Variants in C10orf143 observed in about 807,000 individuals in gnomAD.
The protein encoded by C10orf143 is uncharacterized protein C10orf143.
intron 3 of C10orf143, among the ~76,000 whole-genome samples, chr10:130,038,070 TGG>T (rs1860565103): frequency 6.6e-6 from 1 of 152,200 alleles, no homozygotes; most frequent in Non-Finnish European, 1.5e-5. Context: ...TTTATTTGCC[TGG>T]CCAGAAACTT....
At chr10:130,101,565 G>A (rs901909694) in intron 1 of C10orf143, among the ~76,000 whole-genome samples, 13 of 151,890 alleles carry the variant, frequency 8.6e-5, no homozygotes, top group Non-Finnish European at 1.5e-4. Flanking sequence ...TCAAAATAAG[G>A]ATAAAATTAA....
At chr10:130,078,158 A>T (rs1861150020) in intron 3 of C10orf143, among the ~76,000 whole-genome samples, 1 of 152,246 alleles carries the variant, frequency 6.6e-6, no homozygotes, top group African/African-American at 2.4e-5. Flanking sequence ...ACTGTTGTTC[A>T]AACAGAATAT....
chr10:130,081,397 C>G (rs1861205996), intron 1 of C10orf143, among the ~76,000 whole-genome samples: 1 of 152,144 alleles, frequency 6.6e-6, no homozygotes, highest in Admixed American at 6.5e-5. Context: ...ATACACCATT[C>G]TCAGTACAAG....
intron 1 of C10orf143, among the ~76,000 whole-genome samples, chr10:130,097,302 C>A (rs546265270): frequency 2.6e-5 from 4 of 152,152 alleles, no homozygotes; most frequent in African/African-American, 9.6e-5. Context: ...CCTGTAATCC[C>A]AGCATTTTGG....
chr10:130,094,115 C>A (rs1249047748), intron 1 of C10orf143, among the ~76,000 whole-genome samples: 4 of 151,742 alleles, frequency 2.6e-5, no homozygotes, highest in Non-Finnish European at 5.9e-5. Context: ...CAAATAAACT[C>A]AAAAATCTAG....
chr10:130,108,035 A>G lies in C10orf143; in HGVS notation c.69+2669T>C, dbSNP rs542296762. The G allele has an allele frequency of 3.8e-5, 56 of 1,486,592 alleles. 1 individual carries two copies. The South Asian group carries it at 5.9e-4, about 16-fold the overall frequency. The allele number at this position is 1,486,592 out of a possible 1,614,324, so 92.1% of individuals were successfully genotyped here. A position where few individuals can be genotyped will look rare whatever the true frequency, so the allele number is the denominator to read the frequency against. On this transcript the variant is annotated intron_variant, in intron 1 of 3. Transcript: ENST00000637128. ...AGAAATGGAATCCAGTAGAAATGAC[A>G]CCAAAGATGATCTTGGTAATTTAAA...
chr10:130,041,055 C>A (rs1032072046), intron 3 of C10orf143, among the ~76,000 whole-genome samples: 1 of 152,280 alleles, frequency 6.6e-6, no homozygotes, highest in Non-Finnish European at 1.5e-5. Context: ...GGAGGGGCTG[C>A]GCCATCCTAA....
chr10:130,038,102 C>T (rs2042239234), intron 3 of C10orf143, among the ~76,000 whole-genome samples: 1 of 152,164 alleles, frequency 6.6e-6, no homozygotes, highest in Non-Finnish European at 1.5e-5. Flanking sequence ...ACAATTGCTT[C>T]CTACCCAAGA....
At chr10:130,107,717 A>G (rs1861680324) in intron 1 of C10orf143, 4 of 1,248,326 alleles carry the variant, frequency 3.2e-6, no homozygotes, top group East Asian at 4.7e-5. Context: ...AAGAGGCTCA[A>G]GAGGCCCAGG....
chr10:130,086,160 T>C (rs1266257053), intron 1 of C10orf143, among the ~76,000 whole-genome samples: 2 of 152,220 alleles, frequency 1.3e-5, no homozygotes, highest in African/African-American at 2.4e-5. Context: ...CCACTGTGTT[T>C]GCACAGGAGA....
At chr10:130,042,555 G>A (rs554498222) in intron 3 of C10orf143, among the ~76,000 whole-genome samples, 1 of 152,202 alleles carries the variant, frequency 6.6e-6, no homozygotes, top group African/African-American at 2.4e-5. Context: ...TCAGCCCCTC[G>A]GATGGGAGAC....
intron 3 of C10orf143, among the ~76,000 whole-genome samples, chr10:130,037,042 A>G (rs1860552661): frequency 6.6e-6 from 1 of 152,144 alleles, no homozygotes; most frequent in South Asian, 2.1e-4. Flanking sequence ...GTGCAGATGC[A>G]GGGATGCACC....
chr10:130,089,312 C>T (rs945158097), intron 1 of C10orf143, among the ~76,000 whole-genome samples: 3 of 152,330 alleles, frequency 2.0e-5, no homozygotes, highest in South Asian at 2.1e-4. Context: ...AGCAGTTATG[C>T]ACATTTACTT....
intron 1 of C10orf143, among the ~76,000 whole-genome samples, chr10:130,082,956 G>A (rs1861232779): frequency 6.6e-6 from 1 of 151,892 alleles, no homozygotes; most frequent in South Asian, 2.1e-4. Flanking sequence ...CTTCTGTAAG[G>A]CCAAACAAAC....
At chr10:130,058,234 A>T (rs1401262832) in intron 3 of C10orf143, among the ~76,000 whole-genome samples, 2 of 152,224 alleles carry the variant, frequency 1.3e-5, no homozygotes, top group Non-Finnish European at 2.9e-5. Context: ...CCCACAATCC[A>T]TGTGCAGTTC....
chr10:130,044,031 G>T, intron 3 of C10orf143, among the ~76,000 whole-genome samples: 1 of 152,078 alleles, frequency 6.6e-6, no homozygotes, highest in East Asian at 1.9e-4. Context: ...GAGAGAGAGG[G>T]AGAGGGAGGA....
intron 1 of C10orf143, among the ~76,000 whole-genome samples, chr10:130,080,559 G>C (rs779845736): frequency 6.6e-6 from 1 of 152,176 alleles, no homozygotes; most frequent in Non-Finnish European, 1.5e-5. Context: ...AGAGGCAGGA[G>C]GACCTCTGTA....
intron 1 of C10orf143, among the ~76,000 whole-genome samples, chr10:130,084,657 CA>C (rs1861262659): frequency 6.6e-6 from 1 of 151,824 alleles, no homozygotes; most frequent in African/African-American, 2.4e-5. Context: ...GTGATACACA[CA>C]CACACACACA....
chr10:130,106,614 C>A, intron 1 of C10orf143: 1 of 1,359,344 alleles, frequency 7.4e-7, no homozygotes, highest in Non-Finnish European at 1.1e-6. Context: ...GTAGCTGAAG[C>A]CAAAATGATC....
Sources: allele counts gnomAD v4.1 joint callset (sites outside exome capture counted in the v4.1 genomes callset), GRCh38; gene constraint gnomAD v4.1.1; transcripts MANE v1.5; gene names NCBI Gene and HGNC (gene_info 2026-07-23, HGNC 2026-07-21).